WDPCP: variants seen among roughly 807,000 people sequenced by gnomAD.
WDPCP encodes the protein WD repeat-containing and planar cell polarity effector protein fritz homolog.
Under a neutral mutation model 93.1 loss-of-function variants are expected in WDPCP, and 71 were observed. The ratio of observed to expected loss-of-function variants is 0.76; its 90% CI spans 0.63 to 0.93. The LOEUF is 0.93. Among genes scored for constraint, WDPCP ranks in the 40% least tolerant of loss-of-function variants. The pLI is 0.00. For missense variants in WDPCP, 844 were observed against 887.4 expected (o/e 0.95, Z 0.62); for synonymous variants, 315 against 315.0 (o/e 1.00, Z 0.00).
chr2:63,537,162 T>G (rs1190715349), intron 1 of WDPCP, among the ~76,000 whole-genome samples: 1 of 152,168 alleles, frequency 6.6e-6, no homozygotes. Flanking sequence ...CTAGTTATCT[T>G]TAACAAAAAT....
At chr2:63,661,160 C>T (rs183464220) in intron 2 of WDPCP, among the ~76,000 whole-genome samples, 16 of 152,326 alleles carry the variant, frequency 1.1e-4, no homozygotes, top group Admixed American at 4.6e-4. Flanking sequence ...TCTGTGAGTA[C>T]AGCTTAGCTG....
rs570580626 is a variant in WDPCP at position 63,370,308 on chromosome 2, C to T, written c.1748+8078G>A. 8.1e-4 allele frequency among the ~76,000 whole-genome samples: 124 copies of T among 152,188 alleles called. No individual in the cohort carries two copies. The Middle Eastern group carries it at 0.01, about 13-fold the overall frequency. On this transcript the variant is annotated intron_variant, in intron 12 of 17. Transcript: ENST00000272321. ...TTTCTAGGTTCTTCCAGTTAAAAGA[C>T]TTGAGGTTTTGCTATTGTTCCCTCC...
chr2:63,239,386 T>G (rs1489033456), intron 14 of WDPCP, among the ~76,000 whole-genome samples: 2 of 152,108 alleles, frequency 1.3e-5, no homozygotes, highest in Non-Finnish European at 1.5e-5. Context: ...AAATTCCCCT[T>G]GAGAATATAG....
At chr2:63,386,785 C>A (rs1403501501) in intron 10 of WDPCP, among the ~76,000 whole-genome samples, 1 of 151,796 alleles carries the variant, frequency 6.6e-6, no homozygotes, top group African/African-American at 2.4e-5. Context: ...AACCAAACGT[C>A]CATCAATATG....
chr2:63,139,137 ATG>A (rs891713708), intron 17 of WDPCP, among the ~76,000 whole-genome samples: 11 of 148,448 alleles, frequency 7.4e-5, no homozygotes, highest in African/African-American at 2.5e-4. Context: ...ATATACATGT[ATG>A]TGTGTGTATA....
chr2:63,690,534 G>T (rs111463140), intron 2 of WDPCP, among the ~76,000 whole-genome samples: 1 of 152,108 alleles, frequency 6.6e-6, no homozygotes, highest in South Asian at 2.1e-4. Context: ...TGGGCAGATC[G>T]CTTGAGCCCA....
intron 6 of WDPCP, chr2:63,443,028 T>G (rs1329208395): frequency 6.6e-6 from 1 of 152,130 alleles, no homozygotes; most frequent in Non-Finnish European, 1.5e-5. Flanking sequence ...ATTTGGAGAC[T>G]ATGGATCCTG....
chr2:63,359,326 T>C lies in WDPCP; in HGVS notation c.1748+19060A>G, dbSNP rs116492632. 4.8e-3 allele frequency among the ~76,000 whole-genome samples: 727 copies of C among 152,302 alleles called. 6 individuals are homozygous for C. Among genetic ancestry groups the C allele is most frequent in the Middle Eastern group, 0.031 (9 of 294 alleles). Reference sequence around the variant, plus strand: ...ATCCATAAACTTTTTTAGAAGCATATGTTCAAACAATTCAGTTAGAAAATA... The same window carrying C: ...ATCCATAAACTTTTTTAGAAGCATACGTTCAAACAATTCAGTTAGAAAATA... On this transcript the variant is annotated intron_variant, in intron 12 of 17. Transcript: ENST00000272321.
intron 9 of WDPCP, among the ~76,000 whole-genome samples, chr2:63,412,240 A>C (rs1211749696): frequency 6.6e-6 from 1 of 152,216 alleles, no homozygotes; most frequent in African/African-American, 2.4e-5. Flanking sequence ...CAAGTCAATA[A>C]ATGTGATATA....
intron 3 of WDPCP, among the ~76,000 whole-genome samples, chr2:63,601,326 T>A (rs1267664106): frequency 2.0e-5 from 3 of 152,226 alleles, no homozygotes; most frequent in Non-Finnish European, 1.5e-5. Context: ...TTCAGAGGCC[T>A]TAGCGACTTA....
chr2:63,500,832 T>G, intron 1 of WDPCP, among the ~76,000 whole-genome samples: 1 of 152,362 alleles, frequency 6.6e-6, no homozygotes, highest in South Asian at 2.1e-4. Flanking sequence ...ATTACATAAC[T>G]AATTGTCTAT....
intron 6 of WDPCP, among the ~76,000 whole-genome samples, chr2:63,462,735 G>A (rs148754407): frequency 2.0e-5 from 3 of 152,186 alleles, no homozygotes; most frequent in African/African-American, 7.2e-5. Flanking sequence ...GTTGGATATG[G>A]GGGGAAAGAA....
At chr2:63,531,249 C>T (rs1363795100) in intron 1 of WDPCP, among the ~76,000 whole-genome samples, 1 of 152,220 alleles carries the variant, frequency 6.6e-6, no homozygotes, top group Non-Finnish European at 1.5e-5. Context: ...TCTGTAGACT[C>T]CACCTCTGGG....
chr2:63,717,711 G>A (rs947811262), intron 2 of WDPCP: 5 of 458,084 alleles, frequency 1.1e-5, no homozygotes, highest in Non-Finnish European at 4.3e-6. Context: ...TTGGCCCAAC[G>A]TTGATGCCCA....
At chr2:63,449,873 G>A (rs1401530132) in intron 6 of WDPCP, among the ~76,000 whole-genome samples, 2 of 152,110 alleles carry the variant, frequency 1.3e-5, no homozygotes, top group African/African-American at 2.4e-5. Context: ...CATCCTAACA[G>A]CTTCCACTGA....
intron 3 of WDPCP, among the ~76,000 whole-genome samples, chr2:63,627,650 G>A (rs941438125): frequency 1.3e-5 from 2 of 152,176 alleles, no homozygotes; most frequent in Non-Finnish European, 2.9e-5. Flanking sequence ...TAACTTCAAC[G>A]GGACGGCTTG....
At chr2:63,464,359 C>G (rs1010139707) in intron 6 of WDPCP, among the ~76,000 whole-genome samples, 1 of 152,046 alleles carries the variant, frequency 6.6e-6, no homozygotes, top group Admixed American at 6.6e-5. Flanking sequence ...ACCACAAAAA[C>G]AAACAACAAC....
chr2:63,581,824 T>C (rs978020483), intron 1 of WDPCP, among the ~76,000 whole-genome samples: 7 of 151,860 alleles, frequency 4.6e-5, no homozygotes, highest in Admixed American at 2.6e-4. Flanking sequence ...CCTGGAAACA[T>C]GGCAAAACCC....
chr2:63,545,209 T>A (rs1705052262), intron 1 of WDPCP, among the ~76,000 whole-genome samples: 1 of 151,986 alleles, frequency 6.6e-6, no homozygotes. Flanking sequence ...CTTGCCAACC[T>A]CCAGTGTTGA....
Sources: allele counts gnomAD v4.1 joint callset (sites outside exome capture counted in the v4.1 genomes callset), GRCh38; gene constraint gnomAD v4.1.1; transcripts MANE v1.5; gene names NCBI Gene and HGNC (gene_info 2026-07-23, HGNC 2026-07-21).